Variants in CFAP74 observed in about 807,000 individuals in gnomAD.
CFAP74 encodes cilia and flagella associated protein 74.
Under a neutral mutation model 188.9 loss-of-function variants are expected in CFAP74, and 124 were observed. The observed-to-expected ratio is 0.66, with a 90% CI of 0.57 to 0.76. CFAP74 has a LOEUF of 0.76. CFAP74 is among the 30% of genes least tolerant of loss of function. CFAP74 has a pLI of 0.00. For missense variants in CFAP74, 2,198 were observed against 2,165.2 expected, an observed-to-expected ratio of 1.02 and a Z score of -0.30; for synonymous variants, 956 against 916.7, an observed-to-expected ratio of 1.04 and a Z score of -0.77.
Position 1,941,999 on chromosome 1 carries a change from T to A in CFAP74, c.2615+29A>T, listed in dbSNP as rs1478259610. 11 of 1,461,404 alleles carry A rather than the reference T, an allele frequency of 7.5e-6. No individual in the cohort carries two copies. In the East Asian group the frequency reaches 2.9e-4, roughly 38 times the overall value. The allele number at this position is 1,461,404 out of a possible 1,614,324, so 90.5% of individuals were successfully genotyped here. ...GAGCCCACAACCTCCCACGTCCTCCTGTCCCGGCCTTGGCGTCCTGGCACC... is the reference window on the plus strand; with the variant it reads ...GAGCCCACAACCTCCCACGTCCTCCAGTCCCGGCCTTGGCGTCCTGGCACC... On this transcript the variant is annotated intron_variant, in intron 22 of 38. Transcript: ENST00000682832.
Position 1,942,829 on chromosome 1 carries a change from C to T in CFAP74, c.2487-673G>A, listed in dbSNP as rs1373575122. ...TGTTGTGGCCGCCCCGCCACAGCTG[C>T]CCCGGGCAATCCACGAGGGGGGACC... is the stretch of plus-strand genomic sequence containing the variant. On this transcript the variant is annotated intron_variant, in intron 21 of 38. Transcript: ENST00000682832. The surrounding 1 kb of genome is among the most constrained non-coding windows in gnomAD (Gnocchi z 4.3). Among the ~76,000 whole-genome samples, 2 of 152,196 alleles carry T rather than the reference C, an allele frequency of 1.3e-5. No individual in the cohort carries two copies. Among genetic ancestry groups the T allele is most frequent in the African/African-American group, 2.4e-5 (1 of 41,448 alleles).
At chr1:1,952,834 T>G (rs1251165006) in intron 18 of CFAP74, among the ~76,000 whole-genome samples, 1 of 151,978 alleles carries the variant, frequency 6.6e-6, no homozygotes, top group Non-Finnish European at 1.5e-5. Context: ...AAAAAAAAAC[T>G]TTTAGTAGAG....
At chr1:1,979,954 G>A (rs1184394088) in intron 6 of CFAP74, among the ~76,000 whole-genome samples, 1 of 150,998 alleles carries the variant, frequency 6.6e-6, no homozygotes, top group Admixed American at 6.6e-5. Context: ...GATCGCTCAC[G>A]GCCTGCCTCC....
chr1:1,979,649 T>C (rs1449291317), intron 6 of CFAP74, among the ~76,000 whole-genome samples: 4,019 of 33,896 alleles, frequency 0.12, 6 homozygotes, highest in Middle Eastern at 0.23. Flanking sequence ...GCAGAACACG[T>C]GTGTCGTGCT....
At chr1:1,971,912 G>T (rs1000747099) in intron 9 of CFAP74, 68 bp downstream of exon 9, 4 of 1,244,050 alleles carry the variant, frequency 3.2e-6, no homozygotes, top group Non-Finnish European at 4.7e-6. Flanking sequence ...CTCCCAAGGA[G>T]CAGGGGCCCA....
At chr1:1,989,750 C>G (rs895947694) in intron 2 of CFAP74, among the ~76,000 whole-genome samples, 1 of 152,210 alleles carries the variant, frequency 6.6e-6, no homozygotes, top group Middle Eastern at 3.2e-3. Flanking sequence ...CGTGGGCCAC[C>G]ACACCCGGCC....
chr1:1,976,946 C>T (rs13303203), intron 6 of CFAP74, among the ~76,000 whole-genome samples: 45,816 of 151,512 alleles, frequency 0.3, 7,192 homozygotes, highest in Non-Finnish European at 0.34. Flanking sequence ...CCCGAGTTCA[C>T]GCCATTCTCC....
rs570352593 is a variant in CFAP74, at chr1:1,930,260, C to T, written c.3088G>A (p.Ala1030Thr). 4.1e-4 allele frequency: 634 copies of T among 1,535,594 alleles called. 2 individuals carry two copies. In the African/African-American group the frequency reaches 7.7e-3, roughly 19 times the overall value. The change falls in exon 26 of 39, where the codon GCC becomes ACC. Residue 1030 changes from alanine (A) to threonine (T), a missense_variant. Physicochemically the swap from Ala to Thr is moderately conservative, Grantham distance 58. Coordinates refer to ENST00000682832, the MANE Select transcript of CFAP74 (RefSeq NM_001304360.2). ...ACGGAGGTGTCGTATAGGGCCGTGGCGGCAAACTTGATCTGGTAGTGGGAC... is the reference window on the plus strand; with the variant it reads ...ACGGAGGTGTCGTATAGGGCCGTGGTGGCAAACTTGATCTGGTAGTGGGAC... ...ELSHYQIKFA[A>T]TALYDTSVAT...
chr1:1,948,109 G>A (rs1390628407), intron 18 of CFAP74, among the ~76,000 whole-genome samples: 1 of 152,130 alleles, frequency 6.6e-6, no homozygotes, highest in African/African-American at 2.4e-5. Context: ...CTGACCTTGT[G>A]ATCTGCCCAC....
At chr1:1,965,154 G>A (rs561181259) in intron 12 of CFAP74, 93 bp from the exon 13 acceptor site, 28 of 1,259,636 alleles carry the variant, frequency 2.2e-5, no homozygotes, top group Admixed American at 7.2e-5. Context: ...GGTTAGCAGA[G>A]CACGGACAGC....
Position 1,923,435 on chromosome 1 carries a change from C to A in CFAP74, c.4454G>T (p.Gly1485Val). ...ACQHMMFVEG[G>V]DPLDVPVESL... ...CTCCACGGGCACGTCCAGGGGGTCG[C>A]CGCCCTCCACGAACATCATGTGCTG... Residue 1485 changes from glycine (G) to valine (V), a missense_variant, in exon 36 of 39, where the codon GGC (glycine) becomes GTC (valine). By Grantham distance (109) the Gly-to-Val change is moderately radical. Coordinates refer to ENST00000682832, the MANE Select transcript of CFAP74 (RefSeq NM_001304360.2). This position sits in a 1 kb window ranked among gnomAD's most constrained non-coding sequence, Gnocchi z 6.3. 2 of 1,606,766 alleles carry A rather than the reference C, an allele frequency of 1.2e-6. No homozygotes were observed. Among genetic ancestry groups the A allele is most frequent in the Non-Finnish European group, 1.7e-6 (2 of 1,177,702 alleles).
chr1:1,997,875 C>T (rs1381376505), intron 1 of CFAP74, among the ~76,000 whole-genome samples: 1 of 152,232 alleles, frequency 6.6e-6, no homozygotes, highest in Non-Finnish European at 1.5e-5. Context: ...CGGCCACATG[C>T]AACCTGGGGA....
intron 33 of CFAP74, among the ~76,000 whole-genome samples, chr1:1,925,258 C>T (rs1436176819): frequency 2.5e-5 from 3 of 118,980 alleles, no homozygotes; most frequent in Admixed American, 9.0e-5. Flanking sequence ...GCACACAGGG[C>T]AGCGCGAAGG....
chr1:1,943,128 A>G (rs1488647101), intron 21 of CFAP74, among the ~76,000 whole-genome samples: 1 of 152,146 alleles, frequency 6.6e-6, no homozygotes, highest in Non-Finnish European at 1.5e-5. Context: ...CAGAGTCTAT[A>G]CAAATGAGCA....
chr1:1,955,548 C>T (rs764071575), intron 18 of CFAP74, 143 bp downstream of exon 18: 28 of 1,611,046 alleles, frequency 1.7e-5, no homozygotes, highest in Non-Finnish European at 2.1e-5. Flanking sequence ...AGAATATTTT[C>T]TTGCTTAACC....
At position 1,942,079 on chromosome 1, in the gene CFAP74, C is replaced by A. The variant is rs1653418474; in HGVS notation, c.2564G>T (p.Gly855Val). Reference sequence around the variant, plus strand: ...GTAGGACGACTGTGCCTGGATATAGCCTGTCTTGGGCAGGAGCTCCAGGTG... The same window carrying A: ...GTAGGACGACTGTGCCTGGATATAGACTGTCTTGGGCAGGAGCTCCAGGTG... ...RAHLELLPKTGYIQAQSSYSV... is the reference protein window; with the variant it reads ...RAHLELLPKTVYIQAQSSYSV... The change falls in exon 22 of 39, where the codon GGC (glycine) becomes GTC (valine). Residue 855 changes from glycine to valine, a missense_variant. Physicochemically the swap from Gly to Val is moderately radical, Grantham distance 109. Transcript: ENST00000682832. This position sits in a 1 kb window ranked among gnomAD's most constrained non-coding sequence, Gnocchi z 4.3. 6.5e-7 allele frequency: 1 copy of A among 1,533,178 alleles called. No homozygotes were observed. The highest frequency in any genetic ancestry group is 8.7e-7 in the Non-Finnish European group (1 of 1,145,810). 95.0% of individuals were successfully genotyped at this position (1,533,178 alleles called of 1,614,324 possible).
intron 10 of CFAP74, among the ~76,000 whole-genome samples, chr1:1,969,479 G>A (rs28707401): frequency 0.27 from 28,383 of 106,408 alleles, 2,995 homozygotes; most frequent in Non-Finnish European, 0.29. Flanking sequence ...AGCCCTGCCC[G>A]GCCCAGCCCT....
intron 25 of CFAP74, among the ~76,000 whole-genome samples, chr1:1,931,959 G>A (rs1212392159): frequency 2.7e-5 from 4 of 150,770 alleles, no homozygotes; most frequent in South Asian, 2.1e-4. Context: ...CCAGCTACTC[G>A]GGAGGCTGAG....
At position 1,955,814 on chromosome 1, in the gene CFAP74, C is replaced by T; in HGVS notation, c.2053G>A (p.Asp685Asn). 1 of 1,614,054 alleles carries T rather than the reference C, an allele frequency of 6.2e-7. No homozygotes were observed. Among genetic ancestry groups the T allele is most frequent in the East Asian group, 2.2e-5 (1 of 44,884 alleles). ...LLTYEDKSLYDKAATSFSEQQ... is the reference protein window; with the variant it reads ...LLTYEDKSLYNKAATSFSEQQ... ...TCAGAGAAGCTGGTGGCGGCTTTGT[C>T]ATACAAGCTTTTATCTTCGTAGGTC... Residue 685 changes from aspartate to asparagine, a missense_variant, in exon 18 of 39, where the codon GAC (aspartate) becomes AAC (asparagine). Asp to Asn is a conservative substitution (Grantham distance 23). Coordinates refer to ENST00000682832, the MANE Select transcript of CFAP74 (RefSeq NM_001304360.2).
Sources: gnomAD v4.1 joint callset for allele counts (sites outside exome capture counted in the v4.1 genomes callset) on GRCh38, gnomAD v4.1.1 for gene constraint, Gnocchi (gnomAD v3.1) non-coding constraint, MANE v1.5 for transcripts, NCBI Gene and HGNC (gene_info 2026-07-23, HGNC 2026-07-21) for gene names.